The following TMC1 variants were observed in gnomAD, a reference collection of about 807,000 sequenced individuals.
TMC1 encodes the protein transmembrane channel like 1.
TMC1 carries 84 observed loss-of-function variants against 105.8 expected under a neutral mutation model. That is an observed-to-expected ratio of 0.79 (90% CI 0.67 to 0.95). TMC1 has a LOEUF of 0.95. Ranked by LOEUF, TMC1 falls within the 40% of genes least tolerant of loss-of-function variation. The pLI, the probability that TMC1 is intolerant of heterozygous loss-of-function variation, is 0.00. For missense variants in TMC1, 817 were observed against 914.1 expected, an observed-to-expected ratio of 0.89 and a Z score of 1.37; for synonymous variants, 315 against 311.5, an observed-to-expected ratio of 1.01 and a Z score of -0.12.
intron 1 of TMC1, among the ~76,000 whole-genome samples, chr9:72,572,241 G>A (rs1341420907): frequency 1.3e-5 from 2 of 151,732 alleles, no homozygotes; most frequent in Non-Finnish European, 2.9e-5. Flanking sequence ...TGGTCACCCA[G>A]GCTGGAGTGC....
chr9:72,641,056 A>G lies in TMC1; in HGVS notation c.-52-7541A>G, dbSNP rs1274782274. 3.3e-5 allele frequency among the ~76,000 whole-genome samples: 5 copies of G among 152,170 alleles called. No individual in the cohort carries two copies. In the East Asian group the frequency reaches 9.6e-4, roughly 29 times the overall value. ...AAATTATGTTTGTGGGTATAGCCTA[A>G]TAGCCTAAACCAATGACACTTATGT... On this transcript the variant is annotated intron_variant, in intron 4 of 23. Transcript: ENST00000297784.
At chr9:72,547,577 G>T (rs2132069266) in intron 1 of TMC1, among the ~76,000 whole-genome samples, 1 of 152,264 alleles carries the variant, frequency 6.6e-6, no homozygotes, top group East Asian at 1.9e-4. Flanking sequence ...GAGTTCAGGA[G>T]TGTTTATCCT....
chr9:72,794,873 A>T (rs1294230775), intron 17 of TMC1, among the ~76,000 whole-genome samples: 1 of 152,250 alleles, frequency 6.6e-6, no homozygotes, highest in East Asian at 1.9e-4. Context: ...AAGGAAAATA[A>T]GAATCACAAT....
intron 13 of TMC1, among the ~76,000 whole-genome samples, chr9:72,772,988 T>C (rs1488115635): frequency 6.6e-6 from 1 of 152,074 alleles, no homozygotes; most frequent in African/African-American, 2.4e-5. Context: ...GAATAATCAC[T>C]CATTCAAAAA....
intron 23 of TMC1, 27 bp downstream of exon 23, chr9:72,830,709 G>A (rs770057701): frequency 1.5e-5 from 21 of 1,441,144 alleles, no homozygotes; most frequent in Non-Finnish European, 1.9e-5. Context: ...TGTTTGTAAT[G>A]TTTGTAATTT....
chr9:72,835,482 A>G (rs573266893), intron 23 of TMC1, among the ~76,000 whole-genome samples: 1 of 152,350 alleles, frequency 6.6e-6, no homozygotes, highest in South Asian at 2.1e-4. Context: ...GAAAATTCTG[A>G]CTTATAAGAT....
chr9:72,652,321 G>T (rs773140368), intron 5 of TMC1, among the ~76,000 whole-genome samples: 1 of 152,120 alleles, frequency 6.6e-6, no homozygotes, highest in South Asian at 2.1e-4. Context: ...GGTGGATGTT[G>T]GTGATACTGA....
At chr9:72,650,883 G>GATATATATATATATAAAT (rs1288685250) in intron 5 of TMC1, among the ~76,000 whole-genome samples, 2 of 98,410 alleles carry the variant, frequency 2.0e-5, no homozygotes, top group Admixed American at 1.0e-4. Context: ...TATATATATA[G>GATATATATATATATAAAT]ATATATAGAT....
At chr9:72,607,045 G>A (rs192373758) in intron 2 of TMC1, among the ~76,000 whole-genome samples, 123 of 138,656 alleles carry the variant, frequency 8.9e-4, no homozygotes, top group African/African-American at 3.1e-3. Context: ...CTTAGAATAG[G>A]GCCTGGCACA....
At chr9:72,710,970 A>C (rs1213610062) in intron 8 of TMC1, among the ~76,000 whole-genome samples, 2 of 151,964 alleles carry the variant, frequency 1.3e-5, no homozygotes, top group African/African-American at 4.8e-5. Context: ...GTGTGTGTAC[A>C]TGTGTTCTCA....
At chr9:72,608,331 G>C (rs1486661945) in intron 2 of TMC1, among the ~76,000 whole-genome samples, 1 of 152,172 alleles carries the variant, frequency 6.6e-6, no homozygotes, top group African/African-American at 2.4e-5. Flanking sequence ...TGATAACGCT[G>C]ATACCACACC....
chr9:72,758,202 T>C (rs17058135), intron 12 of TMC1, among the ~76,000 whole-genome samples: 1,847 of 152,266 alleles, frequency 0.012, 43 homozygotes, highest in African/African-American at 0.042. Context: ...GCAGGAAAGA[T>C]AGGTTGATTC....
chr9:72,725,365 A>G lies in TMC1; in HGVS notation c.363-14754A>G, dbSNP rs1294541660. On this transcript the variant is annotated intron_variant, in intron 8 of 23. Transcript: ENST00000297784. ...TATATATATATATATATATATATAT[A>G]TATGTATATACACACACACATGCGT... Among the ~76,000 whole-genome samples the G allele has an allele frequency of 7.1e-3, 583 of 82,214 alleles. 12 individuals are homozygous for G. Among genetic ancestry groups the G allele is most frequent in the African/African-American group, 0.03 (564 of 18,898 alleles). 53.9% of individuals were successfully genotyped at this position (82,214 alleles called of 152,430 possible). A position where few individuals can be genotyped will look rare whatever the true frequency, so the allele number is the denominator to read the frequency against.
At chr9:72,800,857 A>G (rs1828458830) in intron 17 of TMC1, among the ~76,000 whole-genome samples, 1 of 152,166 alleles carries the variant, frequency 6.6e-6, no homozygotes, top group Non-Finnish European at 1.5e-5. Flanking sequence ...TCTGGGAACA[A>G]AAAGAACATA....
At chr9:72,623,147 GTTTTTTTTTTTTTTCT>G (rs1169729872) in intron 3 of TMC1, among the ~76,000 whole-genome samples, 1 of 113,678 alleles carries the variant, frequency 8.8e-6, no homozygotes, top group Admixed American at 1.0e-4. Context: ...CTCTCTCCCT[GTTTTTTTTTTTTTTCT>G]TTTTTTTTTT....
chr9:72,544,291 C>A (rs1823727794), intron 1 of TMC1, among the ~76,000 whole-genome samples: 1 of 151,596 alleles, frequency 6.6e-6, no homozygotes, highest in African/African-American at 2.4e-5. Flanking sequence ...AGTTTAAATT[C>A]ATGTCCAGAG....
intron 6 of TMC1, 130 bp downstream of exon 6, chr9:72,688,886 A>G: frequency 1.2e-6 from 1 of 804,894 alleles, no homozygotes; most frequent in Non-Finnish European, 2.1e-6. Flanking sequence ...TCATGGTCTC[A>G]CAGGAGGAAT....
chr9:72,722,618 G>T (rs1173440079), intron 8 of TMC1, among the ~76,000 whole-genome samples: 1 of 152,066 alleles, frequency 6.6e-6, no homozygotes, highest in Non-Finnish European at 1.5e-5. Flanking sequence ...GCTCTTTATT[G>T]TCTCAAGTAC....
intron 2 of TMC1, among the ~76,000 whole-genome samples, chr9:72,612,716 A>G (rs1170020089): frequency 6.6e-6 from 1 of 152,196 alleles, no homozygotes; most frequent in African/African-American, 2.4e-5. Context: ...GAAGTTTTCC[A>G]TCTACTCTAT....
Sources: gnomAD v4.1 joint callset for allele counts (sites outside exome capture counted in the v4.1 genomes callset) on GRCh38, gnomAD v4.1.1 for gene constraint, MANE v1.5 for transcripts, NCBI Gene and HGNC (gene_info 2026-07-23, HGNC 2026-07-21) for gene names.